MEGF10: variants seen among roughly 807,000 people sequenced by gnomAD.
The protein encoded by MEGF10 is multiple EGF like domains 10.
MEGF10 carries 86 observed loss-of-function variants against 147.5 expected under a neutral mutation model. The observed-to-expected ratio is 0.58, with a 90% CI of 0.49 to 0.70. The LOEUF (loss-of-function observed/expected upper bound fraction) is 0.70. Among genes scored for constraint, MEGF10 ranks in the 30% least tolerant of loss-of-function variants. MEGF10 has a pLI of 0.00. For missense variants in MEGF10, 1,329 were observed against 1,487.3 expected, an observed-to-expected ratio of 0.89 and a Z score of 1.75; for synonymous variants, 478 against 525.5, an observed-to-expected ratio of 0.91 and a Z score of 1.24.
At chr5:127,255,870 T>A in the MEGF10 span, among the ~76,000 whole-genome samples, 3 of 152,226 alleles carry the variant, frequency 2.0e-5, no homozygotes, top group Non-Finnish European at 4.4e-5. Flanking sequence ...TGTTGGATTC[T>A]ATGTCTTCCT....
chr5:127,254,166 T>C, the MEGF10 span, among the ~76,000 whole-genome samples: 1 of 152,098 alleles, frequency 6.6e-6, no homozygotes, highest in Non-Finnish European at 1.5e-5. Flanking sequence ...CTTTTTCAGT[T>C]TTGAATATTA....
chr5:127,258,062 A>T, the MEGF10 span, among the ~76,000 whole-genome samples: 1,354 of 152,326 alleles, frequency 8.9e-3, 19 homozygotes, highest in African/African-American at 0.03. Context: ...GATGGGTGAC[A>T]ATATGAATCA....
At position 127,452,577 on chromosome 5, in the gene MEGF10, G is replaced by C. The variant is rs370331968; in HGVS notation, c.2981-1989G>C. ...TTCTCATGGTTACAGTTTATGGGGG[G>C]CTCAGTCATATAGACATGATTGACT... is the stretch of plus-strand genomic sequence containing the variant. On this transcript the variant is annotated intron_variant, in intron 22 of 24. Coordinates refer to ENST00000503335, the MANE Select transcript of MEGF10 (RefSeq NM_001256545.2). Among the ~76,000 whole-genome samples, 51 of 152,266 alleles carry C rather than the reference G, an allele frequency of 3.3e-4. 1 individual carries two copies. In the East Asian group the frequency reaches 7.5e-3, roughly 23 times the overall value.
chr5:127,284,681 GT>G, the MEGF10 span, among the ~76,000 whole-genome samples: 1 of 133,338 alleles, frequency 7.5e-6, no homozygotes, highest in African/African-American at 2.6e-5. Flanking sequence ...ATTGAATGAA[GT>G]AAAAAAAATG....
At chr5:127,419,320 A>G (rs1764895781) in intron 11 of MEGF10, 80 bp downstream of exon 11, 10 of 1,518,618 alleles carry the variant, frequency 6.6e-6, no homozygotes, top group East Asian at 2.3e-5. Flanking sequence ...AACCTTAACC[A>G]GGGTTCTAGC....
chr5:127,438,708 A>T, intron 17 of MEGF10, 141 bp downstream of exon 17: 1 of 809,638 alleles, frequency 1.2e-6, no homozygotes, highest in East Asian at 2.7e-5. Context: ...CTGTAGACAT[A>T]TAAATTTCTC....
At chr5:127,256,995 G>T in the MEGF10 span, among the ~76,000 whole-genome samples, 2 of 152,184 alleles carry the variant, frequency 1.3e-5, no homozygotes, top group African/African-American at 2.4e-5. Context: ...GGGTATAGGA[G>T]TAAATGATTT....
At chr5:127,284,816 T>A in the MEGF10 span, among the ~76,000 whole-genome samples, 1 of 152,148 alleles carries the variant, frequency 6.6e-6, no homozygotes, top group Non-Finnish European at 1.5e-5. Context: ...AGCTTTTAAA[T>A]CATAGATTTA....
chr5:127,286,778 A>G (rs147978373), upstream of MEGF10, among the ~76,000 whole-genome samples: 1,208 of 152,116 alleles, frequency 7.9e-3, 6 homozygotes, highest in Non-Finnish European at 0.012. Flanking sequence ...AAAAAAATCA[A>G]TGAAACTAAA....
the MEGF10 span, among the ~76,000 whole-genome samples, chr5:127,279,761 A>G: frequency 4.6e-5 from 7 of 152,204 alleles, no homozygotes; most frequent in Non-Finnish European, 8.8e-5. Context: ...CACTATAGAA[A>G]GAGACTCCAG....
chr5:127,269,466 A>G, the MEGF10 span, among the ~76,000 whole-genome samples: 1 of 152,278 alleles, frequency 6.6e-6, no homozygotes, highest in Non-Finnish European at 1.5e-5. Flanking sequence ...AGCCGATTTC[A>G]TCAACTGGAA....
chr5:127,267,484 T>C, the MEGF10 span, among the ~76,000 whole-genome samples: 1 of 152,212 alleles, frequency 6.6e-6, no homozygotes, highest in Middle Eastern at 3.2e-3. Flanking sequence ...TTGGAATAGT[T>C]TCAGAAGGAA....
At chr5:127,337,194 A>T (rs995720857) in intron 2 of MEGF10, among the ~76,000 whole-genome samples, 1 of 152,144 alleles carries the variant, frequency 6.6e-6, no homozygotes, top group African/African-American at 2.4e-5. Flanking sequence ...TTCCATAGAA[A>T]GCCAGTACAT....
At chr5:127,413,611 T>G (rs139517555) in intron 9 of MEGF10, among the ~76,000 whole-genome samples, 54 of 152,332 alleles carry the variant, frequency 3.5e-4, no homozygotes, top group African/African-American at 1.3e-3. Context: ...ATAATCCTAT[T>G]TTCATATACA....
At chr5:127,307,268 AAG>A (rs1200542496) in intron 1 of MEGF10, among the ~76,000 whole-genome samples, 2 of 152,160 alleles carry the variant, frequency 1.3e-5, no homozygotes, top group Admixed American at 6.5e-5. Flanking sequence ...TCACAAGACA[AAG>A]AGATCAAAAA....
chr5:127,388,789 C>T (rs1397742110), intron 5 of MEGF10, among the ~76,000 whole-genome samples: 1 of 152,144 alleles, frequency 6.6e-6, no homozygotes, highest in East Asian at 1.9e-4. Flanking sequence ...TCGTGATCCA[C>T]CCGCCTCAGC....
chr5:127,413,457 G>T (rs1469936349), intron 9 of MEGF10, among the ~76,000 whole-genome samples: 2 of 152,168 alleles, frequency 1.3e-5, no homozygotes, highest in East Asian at 3.9e-4. Context: ...CTAAGGAAAT[G>T]AATAAAAAGA....
At chr5:127,455,358 C>T (rs1766318794) in intron 23 of MEGF10, 43 bp from the exon 24 acceptor site, 5 of 1,487,246 alleles carry the variant, frequency 3.4e-6, no homozygotes. Flanking sequence ...ATGATGTTGC[C>T]AGTGACACAG....
At chr5:127,429,408 C>T (rs1765323170) in intron 13 of MEGF10, among the ~76,000 whole-genome samples, 1 of 152,188 alleles carries the variant, frequency 6.6e-6, no homozygotes, top group African/African-American at 2.4e-5. Flanking sequence ...TGAGTGAAGA[C>T]TTATTCAGGA....
Sources: allele counts gnomAD v4.1 joint callset (sites outside exome capture counted in the v4.1 genomes callset), GRCh38; gene constraint gnomAD v4.1.1; transcripts MANE v1.5; gene names NCBI Gene and HGNC (gene_info 2026-07-23, HGNC 2026-07-21).